Variants in ERBB4 observed in about 807,000 individuals in gnomAD.
The protein encoded by ERBB4 is receptor tyrosine-protein kinase erbB-4.
In ERBB4, 42 loss-of-function variants were observed where a neutral mutation model predicts 158.0. The ratio of observed to expected loss-of-function variants is 0.27; its 90% CI spans 0.21 to 0.34. The LOEUF (loss-of-function observed/expected upper bound fraction) is 0.34, where lower values mean the gene tolerates loss of function less well. Ranked by LOEUF, ERBB4 falls within the 10% of genes least tolerant of loss-of-function variation. The pLI is 1.00. For missense variants in ERBB4, 1,333 were observed against 1,624.1 expected (o/e 0.82, Z 3.08); for synonymous variants, 583 against 558.7 (o/e 1.04, Z -0.61).
Position 212,373,950 on chromosome 2 carries a change from TC to T in ERBB4, c.82+164498del, listed in dbSNP as rs759477891. On this transcript the variant is annotated intron_variant, in intron 1 of 27. Coordinates refer to ENST00000342788, the MANE Select transcript of ERBB4 (RefSeq NM_005235.3). ...ATATCCATATATATCCATATATATA[TC>T]ATATATATATCCATATATATCCATA... is the stretch of plus-strand genomic sequence containing the variant. Among the ~76,000 whole-genome samples the T allele has an allele frequency of 2.0e-4, 13 of 64,580 alleles. 1 individual carries two copies. The highest frequency in any genetic ancestry group is 4.9e-4 in the African/African-American group (7 of 14,414). 42.4% of individuals were successfully genotyped at this position (64,580 alleles called of 152,430 possible).
intron 1 of ERBB4, among the ~76,000 whole-genome samples, chr2:212,391,335 G>T (rs940123339): frequency 1.3e-5 from 2 of 151,446 alleles, no homozygotes; most frequent in African/African-American, 4.8e-5. Flanking sequence ...ATCTTTAAAG[G>T]TAAGATTTAT....
At chr2:211,973,223 A>G (rs1003969891) in intron 2 of ERBB4, among the ~76,000 whole-genome samples, 32 of 150,136 alleles carry the variant, frequency 2.1e-4, no homozygotes, top group Non-Finnish European at 2.8e-4. Context: ...CTTTTTTGAA[A>G]TGGAGTCTCG....
At chr2:211,460,948 C>G (rs1319915078) in intron 20 of ERBB4, among the ~76,000 whole-genome samples, 1 of 152,056 alleles carries the variant, frequency 6.6e-6, no homozygotes, top group Non-Finnish European at 1.5e-5. Context: ...TTGCTCTTCT[C>G]TTTGGTATTT....
intron 19 of ERBB4, among the ~76,000 whole-genome samples, chr2:211,604,346 T>C (rs1259284432): frequency 6.6e-6 from 1 of 152,218 alleles, no homozygotes; most frequent in Non-Finnish European, 1.5e-5. Context: ...GATTTTGTTC[T>C]TACTTACATT....
chr2:211,861,866 G>A (rs947419701), intron 3 of ERBB4, among the ~76,000 whole-genome samples: 1 of 146,558 alleles, frequency 6.8e-6, no homozygotes, highest in Non-Finnish European at 1.5e-5. Context: ...TGACCAATGG[G>A]GTTATAAAAT....
chr2:212,066,096 T>C (rs780498258), intron 2 of ERBB4, among the ~76,000 whole-genome samples: 37 of 151,964 alleles, frequency 2.4e-4, no homozygotes, highest in Non-Finnish European at 3.1e-4. Context: ...AGAGAAATAC[T>C]AGGGTTGAAA....
chr2:211,875,050 A>AAAAAAAAAAAAAC (rs66500425), intron 3 of ERBB4, among the ~76,000 whole-genome samples: 43 of 75,852 alleles, frequency 5.7e-4, no homozygotes, highest in African/African-American at 6.5e-4. Context: ...AAAAAAAAAA[A>AAAAAAAAAAAAAC]CAAACTCAAA....
chr2:212,148,709 T>A (rs536909946), intron 1 of ERBB4, among the ~76,000 whole-genome samples: 1 of 151,284 alleles, frequency 6.6e-6, no homozygotes, highest in Non-Finnish European at 1.5e-5. Flanking sequence ...TAAAGACACA[T>A]GCACACGTAT....
At chr2:211,687,826 C>A (rs1417990060) in intron 12 of ERBB4, among the ~76,000 whole-genome samples, 1 of 152,176 alleles carries the variant, frequency 6.6e-6, no homozygotes, top group Non-Finnish European at 1.5e-5. Context: ...TCTCTTCTGT[C>A]CACCTTTCAG....
At chr2:212,474,852 G>T (rs1020844876) in intron 1 of ERBB4, among the ~76,000 whole-genome samples, 3 of 61,676 alleles carry the variant, frequency 4.9e-5, no homozygotes, top group Non-Finnish European at 8.9e-5. Flanking sequence ...TCAAGACAAG[G>T]TCTTGCTCTA....
At chr2:212,270,220 GACAA>G (rs2085294186) in intron 1 of ERBB4, among the ~76,000 whole-genome samples, 1 of 151,686 alleles carries the variant, frequency 6.6e-6, no homozygotes, top group African/African-American at 2.4e-5. Context: ...AGAAAGTATT[GACAA>G]ACAAAATAGA....
chr2:211,629,615 C>T (rs1194916634), intron 17 of ERBB4, among the ~76,000 whole-genome samples: 1 of 152,176 alleles, frequency 6.6e-6, no homozygotes, highest in Non-Finnish European at 1.5e-5. Context: ...AAGAACAAAG[C>T]TGGAGGCATC....
chr2:211,591,190 A>T (rs1397344210), intron 19 of ERBB4, among the ~76,000 whole-genome samples: 1 of 152,218 alleles, frequency 6.6e-6, no homozygotes, highest in African/African-American at 2.4e-5. Context: ...TACTTATTAA[A>T]ATTAGATCCT....
chr2:211,411,522 T>G (rs184337029), intron 25 of ERBB4, among the ~76,000 whole-genome samples: 14 of 152,350 alleles, frequency 9.2e-5, no homozygotes, highest in Admixed American at 8.5e-4. Context: ...TCTTAAAATA[T>G]GCAAATTATC....
intron 2 of ERBB4, among the ~76,000 whole-genome samples, chr2:212,003,522 T>C (rs2076189763): frequency 6.6e-6 from 1 of 150,848 alleles, no homozygotes; most frequent in African/African-American, 2.4e-5. Context: ...TAGAACTAAA[T>C]GGAATGGAAA....
At chr2:211,510,952 T>C (rs549923293) in intron 20 of ERBB4, among the ~76,000 whole-genome samples, 2 of 152,008 alleles carry the variant, frequency 1.3e-5, no homozygotes, top group South Asian at 4.1e-4. Context: ...CAGTATAAAA[T>C]AGACAAGATC....
At chr2:212,318,482 A>C (rs2087396879) in intron 1 of ERBB4, among the ~76,000 whole-genome samples, 1 of 151,532 alleles carries the variant, frequency 6.6e-6, no homozygotes, top group Non-Finnish European at 1.5e-5. Context: ...CTCAAAATAA[A>C]AGTTGTTACA....
At chr2:212,438,329 G>A (rs1224050525) in intron 1 of ERBB4, among the ~76,000 whole-genome samples, 2 of 152,000 alleles carry the variant, frequency 1.3e-5, no homozygotes, top group Non-Finnish European at 2.9e-5. Context: ...AATACCAGGA[G>A]AAAAATACCA....
At chr2:211,423,031 T>A (rs1247156931) in intron 23 of ERBB4, among the ~76,000 whole-genome samples, 8 of 151,862 alleles carry the variant, frequency 5.3e-5, no homozygotes, top group Admixed American at 5.3e-4. Context: ...ATCATTAATG[T>A]CATCTGCTTT....
Sources: allele counts gnomAD v4.1 joint callset (sites outside exome capture counted in the v4.1 genomes callset), GRCh38; gene constraint gnomAD v4.1.1; transcripts MANE v1.5; gene names NCBI Gene and HGNC (gene_info 2026-07-23, HGNC 2026-07-21).